The following TMEM38B variants were observed in gnomAD, a reference collection of about 807,000 sequenced individuals.
TMEM38B encodes the protein trimeric intracellular cation channel type B.
A neutral mutation model predicts 28.7 loss-of-function variants in TMEM38B; 24 were observed. The ratio of observed to expected loss-of-function variants is 0.84; its 90% CI spans 0.61 to 1.18. The LOEUF (loss-of-function observed/expected upper bound fraction) is 1.18, where lower values mean the gene tolerates loss of function less well. TMEM38B is among the 50% of genes most tolerant of loss of function. The probability of loss-of-function intolerance (pLI) is 0.00; values close to 1 mark genes in which losing one functional copy is unlikely to be tolerated. For synonymous variants in TMEM38B, 131 were observed against 127.7 expected (o/e 1.03, Z -0.17); for missense variants, 380 against 350.9 (o/e 1.08, Z -0.66).
intron 4 of TMEM38B, among the ~76,000 whole-genome samples, chr9:105,738,641 T>G (rs970049446): frequency 1.3e-5 from 2 of 151,864 alleles, no homozygotes; most frequent in African/African-American, 4.8e-5. Flanking sequence ...TCTAAGGTCA[T>G]GAAGATTTTC....
At chr9:105,734,447 A>G (rs1836891736) in intron 4 of TMEM38B, among the ~76,000 whole-genome samples, 1 of 152,104 alleles carries the variant, frequency 6.6e-6, no homozygotes, top group Admixed American at 6.6e-5. Flanking sequence ...GTAGATGTTT[A>G]TTAAGTCCAT....
At position 105,760,119 on chromosome 9, in the gene TMEM38B, G is replaced by A. The variant is rs190668160; in HGVS notation, c.660+11929G>A. On this transcript the variant is annotated intron_variant, in intron 5 of 5. Coordinates refer to ENST00000374692, the MANE Select transcript of TMEM38B (RefSeq NM_018112.3). ...ATTTAGAGAGGGTTGCCATCGATGCGCTACAATTGTGTCGTTTGTTACTTC... is the reference window on the plus strand; with the variant it reads ...ATTTAGAGAGGGTTGCCATCGATGCACTACAATTGTGTCGTTTGTTACTTC... 5.7e-4 allele frequency: 499 copies of A among 882,014 alleles called. 4 individuals carry two copies. Among genetic ancestry groups the A allele is most frequent in the African/African-American group, 4.3e-3 (260 of 60,934 alleles). The allele number at this position is 882,014 out of a possible 1,614,324, so 54.6% of individuals were successfully genotyped here. A position where few individuals can be genotyped will look rare whatever the true frequency, so the allele number is the denominator to read the frequency against.
intron 5 of TMEM38B, among the ~76,000 whole-genome samples, chr9:105,762,461 T>A (rs1229447970): frequency 7.1e-6 from 1 of 140,780 alleles, no homozygotes; most frequent in African/African-American, 2.6e-5. Flanking sequence ...CCTGTGTCCA[T>A]GTGTTCTCAT....
intron 4 of TMEM38B, among the ~76,000 whole-genome samples, chr9:105,732,938 T>G (rs1439636212): frequency 6.6e-6 from 1 of 152,222 alleles, no homozygotes; most frequent in East Asian, 1.9e-4. Context: ...TTCCTGTCCA[T>G]GAGCATGGAA....
intron 5 of TMEM38B, among the ~76,000 whole-genome samples, chr9:105,773,345 A>G (rs183885893): frequency 5.3e-4 from 81 of 152,254 alleles, no homozygotes; most frequent in African/African-American, 1.9e-3. Context: ...GTGACTTTAG[A>G]TGATGATAGT....
At chr9:105,731,971 G>T (rs924204601) in intron 4 of TMEM38B, among the ~76,000 whole-genome samples, 3 of 152,054 alleles carry the variant, frequency 2.0e-5, no homozygotes, top group Admixed American at 2.0e-4. Flanking sequence ...AGCACCTGTT[G>T]TTTCCTGACT....
chr9:105,697,283 A>G (rs1835321313), intron 1 of TMEM38B, among the ~76,000 whole-genome samples: 1 of 152,194 alleles, frequency 6.6e-6, no homozygotes. Context: ...GGCTCCTGAG[A>G]TTCCATAATT....
At chr9:105,697,858 C>T (rs1444504811) in intron 1 of TMEM38B, among the ~76,000 whole-genome samples, 1 of 152,006 alleles carries the variant, frequency 6.6e-6, no homozygotes, top group East Asian at 1.9e-4. Flanking sequence ...TAAAAATACT[C>T]GTCCTTGATC....
At position 105,774,147 on chromosome 9, in the gene TMEM38B, T is replaced by G; in HGVS notation, c.*67T>G. The G allele has an allele frequency of 7.9e-7, 1 of 1,266,440 alleles. No individual in the cohort carries two copies. Among genetic ancestry groups the G allele is most frequent in the African/African-American group, 2.5e-5 (1 of 39,376 alleles). 78.5% of individuals were successfully genotyped at this position (1,266,440 alleles called of 1,614,324 possible). A position where few individuals can be genotyped will look rare whatever the true frequency, so the allele number is the denominator to read the frequency against. The stretch of plus-strand genomic sequence containing the variant: ...TATCTACCTGTTATATTGTGCTAAT[T>G]TTTCTATGTATGTGATGTGAAATGA... On this transcript the variant is annotated 3_prime_UTR_variant, in exon 6 of 6. Coordinates refer to ENST00000374692, the MANE Select transcript of TMEM38B (RefSeq NM_018112.3).
chr9:105,729,860 A>G (rs1836665290), intron 4 of TMEM38B, among the ~76,000 whole-genome samples: 6 of 151,552 alleles, frequency 4.0e-5, no homozygotes, highest in Admixed American at 2.6e-4. Flanking sequence ...ATGGGAGTTC[A>G]CTCATGATTT....
intron 5 of TMEM38B, among the ~76,000 whole-genome samples, chr9:105,770,205 A>C (rs1323982870): frequency 6.6e-6 from 1 of 152,198 alleles, no homozygotes; most frequent in African/African-American, 2.4e-5. Context: ...ACATTGAATA[A>C]GACCCAAATC....
In TMEM38B at chr9:105,774,272, A is replaced by C; in HGVS notation, c.*192A>C. The C allele has an allele frequency of 3.8e-6, 2 of 530,470 alleles. No individual in the cohort carries two copies. Among genetic ancestry groups the C allele is most frequent in the East Asian group, 3.0e-5 (1 of 33,172 alleles). The allele number at this position is 530,470 out of a possible 1,614,324, so 32.9% of individuals were successfully genotyped here. A position where few individuals can be genotyped will look rare whatever the true frequency, so the allele number is the denominator to read the frequency against. ...TGTATTTGTAGAGTGTTACGAGTGT[A>C]TCATGTGATTATGCTTTACCGGTAT... On this transcript the variant is annotated 3_prime_UTR_variant, in exon 6 of 6. Transcript: ENST00000374692.
chr9:105,701,637 C>A (rs903847664), intron 1 of TMEM38B: 1 of 152,150 alleles, frequency 6.6e-6, no homozygotes, highest in Non-Finnish European at 1.5e-5. Context: ...ATATTTAGAT[C>A]AAACAGGTAA....
chr9:105,762,071 T>TCC (rs1376809171), intron 5 of TMEM38B, among the ~76,000 whole-genome samples: 1 of 152,072 alleles, frequency 6.6e-6, no homozygotes, highest in Non-Finnish European at 1.5e-5. Context: ...TGTAAAGAAA[T>TCC]ATATAATGCC....
chr9:105,733,924 A>AT (rs949005598), intron 4 of TMEM38B, among the ~76,000 whole-genome samples: 16 of 150,714 alleles, frequency 1.1e-4, no homozygotes, highest in South Asian at 2.1e-4. Context: ...AGTTTGATTG[A>AT]TTTTTTTCCC....
intron 5 of TMEM38B, among the ~76,000 whole-genome samples, chr9:105,770,017 A>G (rs994119061): frequency 5.3e-5 from 8 of 152,182 alleles, no homozygotes; most frequent in African/African-American, 1.9e-4. Context: ...ATTGTTTAAT[A>G]CATGAATGAG....
intron 4 of TMEM38B, among the ~76,000 whole-genome samples, chr9:105,740,030 A>G (rs534591665): frequency 1.5e-4 from 22 of 149,844 alleles, no homozygotes; most frequent in African/African-American, 5.4e-4. Flanking sequence ...TTACAGGTGC[A>G]CACCACCATG....
At position 105,758,793 on chromosome 9, in the gene TMEM38B, C is replaced by G. The variant is rs1230051379; in HGVS notation, c.660+10603C>G. The G allele has an allele frequency of 9.5e-6, 8 of 843,402 alleles. No individual in the cohort carries two copies. The South Asian group carries it at 1.1e-4, about 12-fold the overall frequency. 52.2% of individuals were successfully genotyped at this position (843,402 alleles called of 1,614,324 possible). ...TAAAAAGCATGGATTACATTTATCT[C>G]AGGAAAATTCCGAGAAAATAAAGCA... On this transcript the variant is annotated intron_variant, in intron 5 of 5. Transcript: ENST00000374692.
intron 2 of TMEM38B, among the ~76,000 whole-genome samples, chr9:105,707,046 G>T (rs757312057): frequency 2.6e-5 from 4 of 152,160 alleles, no homozygotes; most frequent in Non-Finnish European, 4.4e-5. Context: ...CCAAAGTGCT[G>T]AGATTACAGG....
Sources: gnomAD v4.1 joint callset for allele counts (sites outside exome capture counted in the v4.1 genomes callset) on GRCh38, gnomAD v4.1.1 for gene constraint, MANE v1.5 for transcripts, NCBI Gene and HGNC (gene_info 2026-07-23, HGNC 2026-07-21) for gene names.